The following NTM variants were observed in gnomAD, a reference collection of about 807,000 sequenced individuals.
NTM encodes the protein neurotrimin, also known as IgLON family member 2.
NTM carries 13 observed loss-of-function variants against 42.1 expected under a neutral mutation model. The ratio of observed to expected loss-of-function variants is 0.31; its 90% CI spans 0.20 to 0.49. The LOEUF (loss-of-function observed/expected upper bound fraction) is 0.49. Ranked by LOEUF, NTM falls within the 20% of genes least tolerant of loss-of-function variation. The pLI is 0.99. For synonymous variants in NTM, 187 were observed against 179.2 expected, an observed-to-expected ratio of 1.04 and a Z score of -0.35; for missense variants, 373 against 452.8, an observed-to-expected ratio of 0.82 and a Z score of 1.60.
intron 1 of NTM, among the ~76,000 whole-genome samples, chr11:131,692,080 C>T (rs1480885515): frequency 3.9e-5 from 6 of 152,262 alleles, no homozygotes; most frequent in East Asian, 1.9e-4. Context: ...ACAGAGGAAA[C>T]GGGCAGGGAG....
intron 3 of NTM, among the ~76,000 whole-genome samples, chr11:132,186,320 C>T (rs988179249): frequency 2.6e-5 from 4 of 152,166 alleles, no homozygotes; most frequent in Non-Finnish European, 5.9e-5. Flanking sequence ...GACACAGCCA[C>T]CAAGGGAAGC....
At chr11:132,316,511 A>ATGTT (rs1448804960) in intron 7 of NTM, among the ~76,000 whole-genome samples, 4 of 152,228 alleles carry the variant, frequency 2.6e-5, no homozygotes, top group Admixed American at 2.6e-4. Context: ...GTATTCAAAT[A>ATGTT]TGTTTAGAAA....
chr11:131,409,487 C>G (rs1313036164), intron 1 of NTM, among the ~76,000 whole-genome samples: 1 of 152,162 alleles, frequency 6.6e-6, no homozygotes, highest in African/African-American at 2.4e-5. Context: ...TGCCCCCGGG[C>G]AAGGACTCTA....
In NTM at chr11:131,465,592, G is replaced by A. The variant is rs75005670; in HGVS notation, c.82+94704G>A. Among the ~76,000 whole-genome samples the A allele has an allele frequency of 2.3e-3, 349 of 152,248 alleles. 1 individual carries two copies. Among genetic ancestry groups the A allele is most frequent in the African/African-American group, 7.9e-3 (327 of 41,534 alleles). On this transcript the variant is annotated intron_variant, in intron 1 of 8. Transcript: ENST00000683400. ...TGAGGCCTAAGCCCCTGGGATCTGT[G>A]TACTCCTCTGAGGTATCCTGCGACC... is the stretch of plus-strand genomic sequence containing the variant.
intron 1 of NTM, among the ~76,000 whole-genome samples, chr11:131,455,768 G>C (rs1007559825): frequency 6.6e-6 from 1 of 152,202 alleles, no homozygotes; most frequent in African/African-American, 2.4e-5. Context: ...GCCTTGCAAG[G>C]AGGACTGTCA....
intron 1 of NTM, among the ~76,000 whole-genome samples, chr11:131,420,090 C>T (rs895206614): frequency 6.6e-6 from 1 of 152,146 alleles, no homozygotes; most frequent in Non-Finnish European, 1.5e-5. Context: ...TAATGAGGGA[C>T]CATTTGTCCC....
chr11:132,190,138 G>A (rs781479229), intron 3 of NTM, among the ~76,000 whole-genome samples: 4 of 152,190 alleles, frequency 2.6e-5, no homozygotes, highest in Non-Finnish European at 4.4e-5. Flanking sequence ...GGAAGGGACA[G>A]AGTGTGCACA....
intron 1 of NTM, among the ~76,000 whole-genome samples, chr11:131,804,931 C>T (rs1352447809): frequency 1.3e-5 from 2 of 152,126 alleles, no homozygotes; most frequent in Non-Finnish European, 2.9e-5. Flanking sequence ...GCGTTCCTTC[C>T]TTCTGGATGA....
At chr11:131,596,341 A>G (rs1228589807) in intron 1 of NTM, among the ~76,000 whole-genome samples, 1 of 152,226 alleles carries the variant, frequency 6.6e-6, no homozygotes, top group Non-Finnish European at 1.5e-5. Flanking sequence ...TGAATATTTT[A>G]GGCTTTGGGG....
At chr11:131,689,035 C>T (rs910134033) in intron 1 of NTM, among the ~76,000 whole-genome samples, 4 of 151,360 alleles carry the variant, frequency 2.6e-5, no homozygotes, top group Non-Finnish European at 5.9e-5. Context: ...CACGTGCATG[C>T]CTTCAGTGAA....
At chr11:131,377,678 C>T (rs1237218590) in intron 1 of NTM, among the ~76,000 whole-genome samples, 1 of 152,190 alleles carries the variant, frequency 6.6e-6, no homozygotes, top group African/African-American at 2.4e-5. Flanking sequence ...TTTTGGGCGT[C>T]ACATTGTGTA....
At chr11:131,630,775 T>C (rs972833230) in intron 1 of NTM, among the ~76,000 whole-genome samples, 11 of 152,332 alleles carry the variant, frequency 7.2e-5, no homozygotes, top group African/African-American at 2.2e-4. Context: ...GTTATCTGTA[T>C]TGCAGCTCCA....
At chr11:131,735,433 G>A (rs881003) in intron 1 of NTM, among the ~76,000 whole-genome samples, 21,462 of 152,178 alleles carry the variant, frequency 0.14, 1,797 homozygotes, top group Middle Eastern at 0.22. Context: ...ATGCAATAGA[G>A]AAGTGACAGT....
chr11:132,113,460 C>CA lies in NTM; in HGVS notation c.168-32822_168-32821insA, dbSNP rs2063490781. Reference sequence around the variant, plus strand: ...TTTTCCCTCTAGGTCTCTTTCAGATCTGTGTACCCTACTGATCAAAACAAG... The same window carrying CA: ...TTTTCCCTCTAGGTCTCTTTCAGATCATGTGTACCCTACTGATCAAAACAAG... On this transcript the variant is annotated intron_variant, in intron 2 of 8. Transcript: ENST00000683400. Among the ~76,000 whole-genome samples, 5 of 152,302 alleles carry CA rather than the reference C, an allele frequency of 3.3e-5. No homozygotes were observed. The South Asian group carries it at 1.0e-3, about 32-fold the overall frequency.
rs571793340 is a variant in NTM, at chr11:131,421,399, G to C, written c.82+50511G>C. On this transcript the variant is annotated intron_variant, in intron 1 of 8. Transcript: ENST00000683400. ...TGGAGGCCGGTGTGCAGCCCTGCCTGGGGGGAGAGGAGGCATCAGAGGGAT... is the reference window on the plus strand; with the variant it reads ...TGGAGGCCGGTGTGCAGCCCTGCCTCGGGGGAGAGGAGGCATCAGAGGGAT... 4.6e-5 allele frequency among the ~76,000 whole-genome samples: 7 copies of C among 152,324 alleles called. No homozygotes were observed. The East Asian group carries it at 1.2e-3, about 25-fold the overall frequency.
At chr11:132,075,289 T>C (rs1200730995) in intron 2 of NTM, among the ~76,000 whole-genome samples, 1 of 152,184 alleles carries the variant, frequency 6.6e-6, no homozygotes. Context: ...CACTGAAAAT[T>C]TGGTTAAGAG....
intron 1 of NTM, among the ~76,000 whole-genome samples, chr11:131,373,333 TG>T (rs1941477428): frequency 1.3e-5 from 2 of 152,166 alleles, no homozygotes; most frequent in African/African-American, 4.8e-5. Flanking sequence ...CCTCTGTTTT[TG>T]TTTTAAGCTG....
intron 1 of NTM, among the ~76,000 whole-genome samples, chr11:131,659,713 A>C (rs2067703584): frequency 6.6e-6 from 1 of 152,140 alleles, no homozygotes; most frequent in South Asian, 2.1e-4. Context: ...ATCGGGATGC[A>C]ATATTTGACC....
intron 1 of NTM, among the ~76,000 whole-genome samples, chr11:131,508,181 A>G (rs1379625257): frequency 6.8e-6 from 1 of 146,844 alleles, no homozygotes; most frequent in Non-Finnish European, 1.5e-5. Flanking sequence ...ACTCAAACAA[A>G]TTTCCAAGAA....
Sources: allele counts gnomAD v4.1 joint callset (sites outside exome capture counted in the v4.1 genomes callset), GRCh38; gene constraint gnomAD v4.1.1; transcripts MANE v1.5; gene names NCBI Gene and HGNC (gene_info 2026-07-23, HGNC 2026-07-21).